FBXL7: variants seen among roughly 807,000 people sequenced by gnomAD.
The protein encoded by FBXL7 is F-box/LRR-repeat protein 7.
FBXL7 carries 12 observed loss-of-function variants against 38.3 expected under a neutral mutation model. The observed-to-expected ratio is 0.31, with a 90% CI of 0.20 to 0.51. The LOEUF is 0.51. Among genes scored for constraint, FBXL7 ranks in the 20% least tolerant of loss-of-function variants. FBXL7 has a pLI of 0.98. For missense variants in FBXL7, 567 were observed against 676.4 expected (o/e 0.84, Z 1.79); for synonymous variants, 297 against 300.9 (o/e 0.99, Z 0.13).
intron 3 of FBXL7, chr5:15,935,040 G>C: frequency 2.2e-6 from 1 of 452,664 alleles, no homozygotes; most frequent in Non-Finnish European, 4.7e-6. Context: ...GATTGGCTCT[G>C]AGACCTGGGA....
rs201838778 is a variant in FBXL7 at position 15,803,276 on chromosome 5, G to A, written c.128-124614G>A. 1.9e-3 allele frequency among the ~76,000 whole-genome samples: 291 copies of A among 151,888 alleles called. 1 individual carries two copies. Among genetic ancestry groups the A allele is most frequent in the African/African-American group, 6.6e-3 (274 of 41,404 alleles). ...GAACAATGAGTTTGAGTCATTGTTC[G>A]GTATCACCCATAATCAACCTTAGTT... On this transcript the variant is annotated intron_variant, in intron 2 of 3. Transcript: ENST00000504595.
chr5:15,554,702 C>A (rs1738180834), intron 1 of FBXL7, among the ~76,000 whole-genome samples: 1 of 152,162 alleles, frequency 6.6e-6, no homozygotes, highest in South Asian at 2.1e-4. Context: ...TCCAGCTGAT[C>A]CATCTGCATA....
chr5:15,616,360 T>C (rs549201551), intron 2 of FBXL7, among the ~76,000 whole-genome samples: 2 of 152,200 alleles, frequency 1.3e-5, no homozygotes, highest in African/African-American at 4.8e-5. Flanking sequence ...CAATATCATA[T>C]ACCTTGTCTT....
intron 2 of FBXL7, among the ~76,000 whole-genome samples, chr5:15,665,500 G>C (rs147541451): frequency 2.6e-5 from 4 of 152,024 alleles, no homozygotes; most frequent in Non-Finnish European, 5.9e-5. Context: ...TCTTAGATGG[G>C]GTTTACAATT....
chr5:15,656,581 C>A lies in FBXL7; in HGVS notation c.127+40509C>A, dbSNP rs573082800. ...CCCCCATGATTCAGTTATCTCCCAC[C>A]CGGTCCCTCCCACAACAATTATGGG... On this transcript the variant is annotated intron_variant, in intron 2 of 3. Transcript: ENST00000504595. Among the ~76,000 whole-genome samples, 3 of 152,140 alleles carry A rather than the reference C, an allele frequency of 2.0e-5. No individual in the cohort carries two copies. The South Asian group carries it at 6.2e-4, about 32-fold the overall frequency.
chr5:15,504,304 A>G (rs1010431069), intron 1 of FBXL7, among the ~76,000 whole-genome samples: 3 of 152,226 alleles, frequency 2.0e-5, no homozygotes, highest in Admixed American at 1.3e-4. Context: ...CTTCATAGAG[A>G]TTAACTTTGG....
chr5:15,857,339 ATCAACTCTGTGAGT>A (rs1739301687), intron 2 of FBXL7, among the ~76,000 whole-genome samples: 1 of 152,144 alleles, frequency 6.6e-6, no homozygotes, highest in African/African-American at 2.4e-5. Flanking sequence ...TAATTCTCAT[ATCAACTCTGTGAGT>A]TGGGTACAAT....
chr5:15,775,535 A>T (rs565095041), intron 2 of FBXL7, among the ~76,000 whole-genome samples: 2 of 152,208 alleles, frequency 1.3e-5, no homozygotes, highest in East Asian at 3.9e-4. Flanking sequence ...AGTATTTATT[A>T]TGCATTAGCT....
chr5:15,585,904 G>A (rs1372139685), intron 1 of FBXL7, among the ~76,000 whole-genome samples: 2 of 152,180 alleles, frequency 1.3e-5, no homozygotes, highest in African/African-American at 4.8e-5. Context: ...CCAGTGAATG[G>A]CTATTCCTGG....
At chr5:15,880,057 C>T (rs1171100891) in intron 2 of FBXL7, among the ~76,000 whole-genome samples, 4 of 152,296 alleles carry the variant, frequency 2.6e-5, no homozygotes, top group African/African-American at 9.6e-5. Context: ...GGACAGCAGA[C>T]CACAACCATG....
intron 2 of FBXL7, among the ~76,000 whole-genome samples, chr5:15,840,838 T>A (rs935967159): frequency 1.9e-5 from 2 of 104,468 alleles, no homozygotes; most frequent in Non-Finnish European, 3.7e-5. Flanking sequence ...AGAGCAAGAC[T>A]CTGTCTCAAA....
rs376399352 is a variant in FBXL7 at position 15,928,464 on chromosome 5, G to A, written c.702G>A (p.Val234=). The A allele has an allele frequency of 1.5e-5, 24 of 1,613,810 alleles. No individual in the cohort carries two copies. The highest frequency in any genetic ancestry group is 7.7e-5 in the South Asian group (7 of 91,082). The change falls in exon 3 of 4, where the codon GTG becomes GTA. Residue 234 remains valine (V), a synonymous_variant. Transcript: ENST00000504595. This position sits in a 1 kb window ranked among gnomAD's most constrained non-coding sequence, Gnocchi z 4.0. ...NISNEAVFDV[V]SLCPNLEHLD... is the part of the protein sequence containing the mutation. Reference sequence around the variant, plus strand: ...CCAACGAGGCCGTCTTTGATGTGGTGTCCCTCTGCCCTAATCTGGAGCACC... The same window carrying A: ...CCAACGAGGCCGTCTTTGATGTGGTATCCCTCTGCCCTAATCTGGAGCACC...
At chr5:15,527,428 G>C (rs151049169) in intron 1 of FBXL7, among the ~76,000 whole-genome samples, 58 of 152,100 alleles carry the variant, frequency 3.8e-4, no homozygotes, top group Non-Finnish European at 2.5e-4. Flanking sequence ...AGAAATTAAC[G>C]TTTTCAATAT....
chr5:15,670,606 GCCT>G (rs1319001700), intron 2 of FBXL7, among the ~76,000 whole-genome samples: 2 of 152,120 alleles, frequency 1.3e-5, no homozygotes, highest in South Asian at 2.1e-4. Context: ...TTCGAGACCA[GCCT>G]GGCCAACATG....
intron 2 of FBXL7, among the ~76,000 whole-genome samples, chr5:15,857,860 T>C (rs1739316726): frequency 6.6e-6 from 1 of 152,166 alleles, no homozygotes; most frequent in South Asian, 2.1e-4. Flanking sequence ...GGTGACTTCA[T>C]TGTAAATGCT....
At chr5:15,703,299 A>G (rs1416009154) in intron 2 of FBXL7, among the ~76,000 whole-genome samples, 1 of 152,252 alleles carries the variant, frequency 6.6e-6, no homozygotes, top group African/African-American at 2.4e-5. Flanking sequence ...AACTGAGGTT[A>G]CAATGGGCAT....
At position 15,822,882 on chromosome 5, in the gene FBXL7, A is replaced by C. The variant is rs12521069; in HGVS notation, c.128-105008A>C. 5.3e-5 allele frequency among the ~76,000 whole-genome samples: 8 copies of C among 152,204 alleles called. No individual in the cohort carries two copies. In the South Asian group the frequency reaches 1.0e-3, roughly 20 times the overall value. ...TTGTTGAAATAGATCTCTGGGTCTC[A>C]CCACCAGGTTTTCTGATTTGGGAGG... On this transcript the variant is annotated intron_variant, in intron 2 of 3. Coordinates refer to ENST00000504595, the MANE Select transcript of FBXL7 (RefSeq NM_012304.5).
intron 2 of FBXL7, among the ~76,000 whole-genome samples, chr5:15,811,715 T>A (rs1164891883): frequency 6.6e-6 from 1 of 151,898 alleles, no homozygotes; most frequent in Non-Finnish European, 1.5e-5. Context: ...GACATTTATA[T>A]GGCCAAAAAA....
At chr5:15,818,582 C>T (rs1457377941) in intron 2 of FBXL7, among the ~76,000 whole-genome samples, 1 of 151,942 alleles carries the variant, frequency 6.6e-6, no homozygotes, top group Non-Finnish European at 1.5e-5. Context: ...TTCTTAGCTT[C>T]CTGTATCTAC....
Sources: allele counts gnomAD v4.1 joint callset (sites outside exome capture counted in the v4.1 genomes callset), GRCh38; gene constraint gnomAD v4.1.1; non-coding constraint Gnocchi (gnomAD v3.1); transcripts MANE v1.5; gene names NCBI Gene and HGNC (gene_info 2026-07-23, HGNC 2026-07-21).